Variants in PCDH15 observed in about 807,000 individuals in gnomAD.
The protein encoded by PCDH15 is protocadherin-15.
In PCDH15, 129 loss-of-function variants were observed where a neutral mutation model predicts 178.5. That is an observed-to-expected ratio of 0.72 (90% CI 0.63 to 0.84). PCDH15 has a LOEUF of 0.84. Ranked by LOEUF, PCDH15 falls within the 40% of genes least tolerant of loss-of-function variation. The pLI, the probability that PCDH15 is intolerant of heterozygous loss-of-function variation, is 0.00. For synonymous variants in PCDH15, 800 were observed against 732.0 expected (o/e 1.09, Z -1.50); for missense variants, 2,230 against 2,099.9 (o/e 1.06, Z -1.21).
intron 17 of PCDH15, among the ~76,000 whole-genome samples, chr10:54,074,510 T>C (rs1248319814): frequency 1.3e-5 from 2 of 152,202 alleles, no homozygotes; most frequent in African/African-American, 4.8e-5. Flanking sequence ...TGTGATATAG[T>C]GTATGTCATA....
chr10:54,688,302 GCCTCAATTGTA>G (rs1361582362), intron 1 of PCDH15, among the ~76,000 whole-genome samples: 1 of 151,788 alleles, frequency 6.6e-6, no homozygotes, highest in Non-Finnish European at 1.5e-5. Context: ...TTTTCTCTAA[GCCTCAATTGTA>G]CTTCTTTAGA....
At chr10:55,391,908 C>T (rs1318127882) in intron 2 of PCDH15, among the ~76,000 whole-genome samples, 2 of 152,196 alleles carry the variant, frequency 1.3e-5, no homozygotes, top group African/African-American at 4.8e-5. Context: ...TTCTCCTTAA[C>T]CATTTTTAGC....
At chr10:55,288,577 G>C (rs139893651) in intron 1 of PCDH15, among the ~76,000 whole-genome samples, 92 of 151,968 alleles carry the variant, frequency 6.1e-4, no homozygotes, top group African/African-American at 2.1e-3. Flanking sequence ...CTGCCTGTAT[G>C]AGTTTAATTA....
chr10:55,356,969 G>T (rs67959750), intron 2 of PCDH15, among the ~76,000 whole-genome samples: 27,636 of 151,778 alleles, frequency 0.18, 2,925 homozygotes, highest in African/African-American at 0.29. Context: ...GGAAAGTTCT[G>T]CAGGCAATTT....
chr10:55,467,336 GA>G (rs1839851367), intron 2 of PCDH15, among the ~76,000 whole-genome samples: 1 of 149,674 alleles, frequency 6.7e-6, no homozygotes, highest in South Asian at 2.1e-4. Context: ...AGAGGAAAAG[GA>G]AACAGGAGGA....
chr10:55,208,063 T>C (rs1382755437), intron 1 of PCDH15, among the ~76,000 whole-genome samples: 1 of 152,186 alleles, frequency 6.6e-6, no homozygotes, highest in Non-Finnish European at 1.5e-5. Flanking sequence ...GATGCTTGAA[T>C]ATTCTATAAT....
chr10:55,326,255 A>G (rs1844028445), intron 2 of PCDH15, among the ~76,000 whole-genome samples: 1 of 152,168 alleles, frequency 6.6e-6, no homozygotes, highest in Non-Finnish European at 1.5e-5. Flanking sequence ...AGGGATATTA[A>G]TTATTCTGTC....
At chr10:55,284,319 A>G (rs1435468816) in intron 1 of PCDH15, among the ~76,000 whole-genome samples, 3 of 152,118 alleles carry the variant, frequency 2.0e-5, no homozygotes, top group African/African-American at 7.2e-5. Context: ...TTTACCTTTT[A>G]GATAAACTAC....
intron 2 of PCDH15, among the ~76,000 whole-genome samples, chr10:55,104,975 G>A (rs181227814): frequency 4.6e-5 from 7 of 152,258 alleles, no homozygotes; most frequent in African/African-American, 1.4e-4. Flanking sequence ...CAGCACTTGA[G>A]CTCATCCCAA....
chr10:53,803,052 C>T lies in PCDH15; in HGVS notation c.*3527G>A, dbSNP rs1840965682. The T allele has an allele frequency of 6.6e-6, 1 of 151,576 alleles. No individual in the cohort carries two copies. Among genetic ancestry groups the T allele is most frequent in the South Asian group, 2.1e-4 (1 of 4,808 alleles). The allele number at this position is 151,576 out of a possible 1,614,324, so 9.4% of individuals were successfully genotyped here. Reference sequence around the variant, plus strand: ...AACTAAAGCTTCTTATGATAAAGATCAAAATTAACTATTGAAAACCAATAA... The same window carrying T: ...AACTAAAGCTTCTTATGATAAAGATTAAAATTAACTATTGAAAACCAATAA... On this transcript the variant is annotated 3_prime_UTR_variant, in exon 38 of 38. Transcript: ENST00000644397.
chr10:55,072,345 C>A (rs1207221238), intron 2 of PCDH15, among the ~76,000 whole-genome samples: 3 of 151,946 alleles, frequency 2.0e-5, no homozygotes, highest in Non-Finnish European at 4.4e-5. Flanking sequence ...ATTGATAGAC[C>A]ACTAGCAAGA....
chr10:54,126,571 T>C (rs990207400), intron 15 of PCDH15, among the ~76,000 whole-genome samples: 29 of 152,262 alleles, frequency 1.9e-4, no homozygotes, highest in Non-Finnish European at 3.5e-4. Context: ...GATACATCTT[T>C]GACATGGTTA....
intron 28 of PCDH15, 97 bp downstream of exon 28, chr10:53,857,078 G>C: frequency 1.1e-6 from 1 of 882,462 alleles, no homozygotes; most frequent in Non-Finnish European, 1.8e-6. Flanking sequence ...TAACACACCT[G>C]CACATGTATC....
chr10:55,515,505 A>AT (rs1840991858), intron 2 of PCDH15, among the ~76,000 whole-genome samples: 1 of 151,950 alleles, frequency 6.6e-6, no homozygotes, highest in Admixed American at 6.6e-5. Context: ...GGAAAATATT[A>AT]TTTTTTTCAT....
At chr10:54,362,673 C>T (rs776592120) in intron 5 of PCDH15, among the ~76,000 whole-genome samples, 18 of 151,694 alleles carry the variant, frequency 1.2e-4, no homozygotes, top group African/African-American at 1.9e-4. Flanking sequence ...AACCTTTCAA[C>T]GAAAAGAAAA....
chr10:55,124,996 T>TA (rs1200559973), intron 2 of PCDH15, among the ~76,000 whole-genome samples: 4 of 151,872 alleles, frequency 2.6e-5, no homozygotes, highest in African/African-American at 4.8e-5. Context: ...ATGCTCTCTA[T>TA]AAAAAAAGAC....
rs137955795 is a variant in PCDH15 at position 54,252,455 on chromosome 10, A to G, written c.877-15524T>C. On this transcript the variant is annotated intron_variant, in intron 8 of 37. Coordinates refer to ENST00000644397, the MANE Select transcript of PCDH15 (RefSeq NM_001384140.1). Reference sequence around the variant, plus strand: ...CAAAGCCTTCTCCTCTAACTTTTCCAGATAGAATAATATTGATTATCCTCA... The same window carrying G: ...CAAAGCCTTCTCCTCTAACTTTTCCGGATAGAATAATATTGATTATCCTCA... Among the ~76,000 whole-genome samples, 369 of 152,312 alleles carry G rather than the reference A, an allele frequency of 2.4e-3. 2 individuals are homozygous for G. Among genetic ancestry groups the G allele is most frequent in the African/African-American group, 8.7e-3 (363 of 41,584 alleles).
intron 2 of PCDH15, among the ~76,000 whole-genome samples, chr10:55,083,722 G>A (rs1352182935): frequency 6.6e-6 from 1 of 151,872 alleles, no homozygotes; most frequent in Non-Finnish European, 1.5e-5. Context: ...CAGTTAAGTT[G>A]TAGGGTACAA....
intron 26 of PCDH15, among the ~76,000 whole-genome samples, chr10:53,870,550 A>G (rs990106668): frequency 6.6e-6 from 1 of 152,128 alleles, no homozygotes; most frequent in Non-Finnish European, 1.5e-5. Flanking sequence ...TCATTAGCAT[A>G]TTTTTCAAAT....
Sources: allele counts gnomAD v4.1 joint callset (sites outside exome capture counted in the v4.1 genomes callset), GRCh38; gene constraint gnomAD v4.1.1; transcripts MANE v1.5; gene names NCBI Gene and HGNC (gene_info 2026-07-23, HGNC 2026-07-21).